Variants in NRG3 observed in about 807,000 individuals in gnomAD.
NRG3 encodes pro-neuregulin-3, membrane-bound isoform.
NRG3 carries 31 observed loss-of-function variants against 66.9 expected under a neutral mutation model. The observed-to-expected ratio is 0.46, with a 90% CI of 0.35 to 0.63. The LOEUF is 0.63. NRG3 is among the 20% of genes least tolerant of loss of function. NRG3 has a pLI of 0.00. For missense variants in NRG3, 910 were observed against 878.9 expected, an observed-to-expected ratio of 1.04 and a Z score of -0.45; for synonymous variants, 393 against 359.4, an observed-to-expected ratio of 1.09 and a Z score of -1.06.
intron 6 of NRG3, among the ~76,000 whole-genome samples, chr10:82,963,406 C>A (rs759294155): frequency 6.6e-6 from 1 of 152,168 alleles, no homozygotes; most frequent in Non-Finnish European, 1.5e-5. Flanking sequence ...TTAGGCCGGG[C>A]GCGGTGGCTC....
At chr10:81,906,796 T>A (rs373236314) in intron 1 of NRG3, among the ~76,000 whole-genome samples, 1 of 152,066 alleles carries the variant, frequency 6.6e-6, no homozygotes, top group East Asian at 1.9e-4. Context: ...GTTATCACAG[T>A]GGTCTTGGTG....
At chr10:81,953,334 A>G (rs1849548008) in intron 1 of NRG3, among the ~76,000 whole-genome samples, 1 of 152,088 alleles carries the variant, frequency 6.6e-6, no homozygotes, top group South Asian at 2.1e-4. Flanking sequence ...TTGTCTTTCC[A>G]TCCTTCTCTT....
chr10:82,212,259 CACAT>C (rs2075435716), intron 1 of NRG3, among the ~76,000 whole-genome samples: 1 of 152,186 alleles, frequency 6.6e-6, no homozygotes, highest in African/African-American at 2.4e-5. Context: ...TGTAGATAAA[CACAT>C]GCATGTAAAT....
chr10:82,098,405 C>A (rs2066511026), intron 1 of NRG3, among the ~76,000 whole-genome samples: 1 of 151,874 alleles, frequency 6.6e-6, no homozygotes. Flanking sequence ...GAAAAGCAAA[C>A]AACTTATTGC....
At chr10:82,571,647 G>T (rs2045743427) in intron 2 of NRG3, among the ~76,000 whole-genome samples, 1 of 151,680 alleles carries the variant, frequency 6.6e-6, no homozygotes, top group South Asian at 2.1e-4. Context: ...TTGGAAACAA[G>T]CTACCTATGC....
At chr10:82,407,451 T>C (rs1277766413) in intron 2 of NRG3, among the ~76,000 whole-genome samples, 2 of 152,162 alleles carry the variant, frequency 1.3e-5, no homozygotes, top group African/African-American at 4.8e-5. Context: ...CTATCACTTA[T>C]GAATTTGTGA....
chr10:81,930,063 C>A (rs924486877), intron 1 of NRG3, among the ~76,000 whole-genome samples: 10 of 152,072 alleles, frequency 6.6e-5, no homozygotes, highest in African/African-American at 2.4e-4. Flanking sequence ...TGCCTTGGAG[C>A]ACTTAGAGGG....
At chr10:81,893,850 C>T (rs1223476522) in intron 1 of NRG3, among the ~76,000 whole-genome samples, 1 of 152,092 alleles carries the variant, frequency 6.6e-6, no homozygotes, top group East Asian at 1.9e-4. Context: ...TGTGGTAAGG[C>T]AGAGCCAAGG....
In NRG3 at chr10:82,875,477, C is replaced by A. The variant is rs562020808; in HGVS notation, c.1054+10040C>A. On this transcript the variant is annotated intron_variant, in intron 4 of 8. Coordinates refer to ENST00000372141, the MANE Select transcript of NRG3 (RefSeq NM_001010848.4). ...GGCTCAAGTCTTCTTCCCATTTTAA[C>A]CTCCCCTGTAGCTGGGACCAGAGGC... 1.6e-4 allele frequency among the ~76,000 whole-genome samples: 25 copies of A among 152,214 alleles called. No homozygotes were observed. In the East Asian group the frequency reaches 4.4e-3, roughly 27 times the overall value.
intron 2 of NRG3, among the ~76,000 whole-genome samples, chr10:82,454,417 G>A (rs2091177133): frequency 1.3e-5 from 2 of 151,818 alleles, no homozygotes; most frequent in African/African-American, 2.4e-5. Flanking sequence ...ACAAAGAATG[G>A]AGAATATATG....
intron 1 of NRG3, among the ~76,000 whole-genome samples, chr10:82,133,312 A>G (rs2069076321): frequency 6.6e-6 from 1 of 152,120 alleles, no homozygotes; most frequent in Admixed American, 6.6e-5. Context: ...TGTTACATAC[A>G]TAAACTCATG....
intron 1 of NRG3, among the ~76,000 whole-genome samples, chr10:82,285,572 A>G (rs1412521476): frequency 1.3e-5 from 2 of 152,224 alleles, no homozygotes; most frequent in African/African-American, 4.8e-5. Flanking sequence ...GTATTATTTA[A>G]TAGGAATGTC....
intron 2 of NRG3, among the ~76,000 whole-genome samples, chr10:82,455,337 T>C (rs905503182): frequency 3.3e-5 from 5 of 152,194 alleles, no homozygotes; most frequent in African/African-American, 9.7e-5. Context: ...CTGCTGTTCT[T>C]AGGACACAAT....
At chr10:82,405,454 G>GTTTTTTTTTTTTTTTTTTTTTTTTT (rs779040062) in intron 2 of NRG3, among the ~76,000 whole-genome samples, 1 of 139,920 alleles carries the variant, frequency 7.1e-6, no homozygotes, top group Non-Finnish European at 1.5e-5. Flanking sequence ...GATCTCAGTA[G>GTTTTTTTTTTTTTTTTTTTTTTTTT]TTTGTTTTTT....
rs535299343 is a variant in NRG3 at position 82,866,635 on chromosome 10, C to T, written c.1054+1198C>T. On this transcript the variant is annotated intron_variant, in intron 4 of 8. Coordinates refer to ENST00000372141, the MANE Select transcript of NRG3 (RefSeq NM_001010848.4). The stretch of plus-strand genomic sequence containing the variant: ...AACCAATGAGATTTAGGATGTTATT[C>T]AAATGAAGCGCGATGGAATGTGAGA... 2.1e-3 allele frequency among the ~76,000 whole-genome samples: 313 copies of T among 152,128 alleles called. 3 individuals carry two copies. The highest frequency in any genetic ancestry group is 7.2e-3 in the African/African-American group (300 of 41,494).
chr10:82,369,964 G>A (rs1389749435), intron 2 of NRG3, among the ~76,000 whole-genome samples: 1 of 138,282 alleles, frequency 7.2e-6, no homozygotes, highest in Non-Finnish European at 1.5e-5. Context: ...CCCTGAAGGA[G>A]GGGAAGCATG....
chr10:82,697,287 G>A (rs1017387097), intron 2 of NRG3, among the ~76,000 whole-genome samples: 2 of 152,122 alleles, frequency 1.3e-5, no homozygotes, highest in Non-Finnish European at 2.9e-5. Flanking sequence ...AGGGAAGTCC[G>A]GAAAAGTAAA....
chr10:82,845,537 A>G (rs181591271), intron 3 of NRG3, among the ~76,000 whole-genome samples: 182 of 152,282 alleles, frequency 1.2e-3, no homozygotes, highest in African/African-American at 4.2e-3. Flanking sequence ...GGGCAGGCAA[A>G]AAAAAAAGGG....
At chr10:82,625,366 G>T (rs981099752) in intron 2 of NRG3, among the ~76,000 whole-genome samples, 1 of 151,802 alleles carries the variant, frequency 6.6e-6, no homozygotes, top group Non-Finnish European at 1.5e-5. Context: ...CTATTATCCA[G>T]AATTTAATTA....
Sources: gnomAD v4.1 joint callset for allele counts (sites outside exome capture counted in the v4.1 genomes callset) on GRCh38, gnomAD v4.1.1 for gene constraint, MANE v1.5 for transcripts, NCBI Gene and HGNC (gene_info 2026-07-23, HGNC 2026-07-21) for gene names.